TMEM79: variants seen among roughly 807,000 people sequenced by gnomAD.
The protein encoded by TMEM79 is mattrin.
Under a neutral mutation model 31.2 loss-of-function variants are expected in TMEM79, and 30 were observed. The observed-to-expected ratio is 0.96, with a 90% CI of 0.72 to 1.30. The LOEUF is 1.30. TMEM79 is among the 50% of genes most tolerant of loss of function. The probability of loss-of-function intolerance (pLI) is 0.00; values close to 1 mark genes in which losing one functional copy is unlikely to be tolerated. For missense variants in TMEM79, 509 were observed against 528.2 expected (o/e 0.96, Z 0.36); for synonymous variants, 213 against 229.5 (o/e 0.93, Z 0.65).
At position 156,285,642 on chromosome 1, in the gene TMEM79, G is replaced by A. The variant is rs753815586; in HGVS notation, c.416G>A (p.Arg139Gln). The change falls in exon 2 of 4, where the codon CGG (arginine) becomes CAG (glutamine). Residue 139 changes from arginine to glutamine, a missense_variant. Physicochemically the swap from Arg to Gln is conservative, Grantham distance 43. Transcript: ENST00000405535. ...CCTATTGACCTACAGTGCATTGAGC[G>A]GCAGCCCCAAGAAGACCTTATCGTG... The part of the protein sequence containing the change: ...FVPIDLQCIE[R>Q]QPQEDLIVRC... 1.1e-5 allele frequency: 17 copies of A among 1,613,894 alleles called. No individual in the cohort carries two copies. The highest frequency in any genetic ancestry group is 5.0e-5 in the Admixed American group (3 of 60,010).
intron 3 of TMEM79, chr1:156,290,099 T>G (rs1268654979): frequency 6.6e-6 from 1 of 152,158 alleles, no homozygotes; most frequent in Non-Finnish European, 1.5e-5. Context: ...TATAAAAGAA[T>G]GAGAAAACCA....
rs1170475208 is a variant in TMEM79 at position 156,292,006 on chromosome 1, C to G, written c.*408C>G. ...AGGAGGCAGAGCCACAGCCAAGGCC[C>G]TGACCACTTCTGTGCCAGTTGTCTA... On this transcript the variant is annotated 3_prime_UTR_variant, in exon 4 of 4. Transcript: ENST00000405535. 2.4e-6 allele frequency: 1 copy of G among 422,850 alleles called. No individual in the cohort carries two copies. The highest frequency in any genetic ancestry group is 2.0e-5 in the African/African-American group (1 of 51,132). 26.2% of individuals were successfully genotyped at this position (422,850 alleles called of 1,614,324 possible).
chr1:156,288,618 G>A (rs892830164), intron 3 of TMEM79, among the ~76,000 whole-genome samples: 1 of 152,110 alleles, frequency 6.6e-6, no homozygotes, highest in African/African-American at 2.4e-5. Flanking sequence ...GATTACAGGC[G>A]TGAGCCACCA....
Position 156,291,414 on chromosome 1 carries a change from G to A in TMEM79, c.1001G>A (p.Gly334Asp), listed in dbSNP as rs1186031499. The A allele has an allele frequency of 1.9e-6, 3 of 1,613,914 alleles. No homozygotes were observed. The highest frequency in any genetic ancestry group is 2.7e-5 in the African/African-American group (2 of 74,900). ...RLIYWLTFAV[G>D]RSFRGFGYGL... ...ATCTACTGGCTGACCTTTGCCGTGGGCCGCTCCTTCCGAGGCTTCGGCTAC... is the reference window on the plus strand; with the variant it reads ...ATCTACTGGCTGACCTTTGCCGTGGACCGCTCCTTCCGAGGCTTCGGCTAC... Residue 334 changes from glycine to aspartate, a missense_variant, in exon 4 of 4, where the codon GGC (glycine) becomes GAC (aspartate). Physicochemically the swap from Gly to Asp is moderately conservative, Grantham distance 94. Transcript: ENST00000405535.
Position 156,285,585 on chromosome 1 carries a change from T to C in TMEM79, c.359T>C (p.Leu120Pro). ...GAGCTGCCCGAAGACGATGCCAACC[T>C]GCTGCCTGAGAAAGCGGCCCGTGCC... ...LEELPEDDAN[L>P]LPEKAARAFV... is the part of the protein sequence containing the mutation. Residue 120 changes from leucine (L) to proline (P), a missense_variant, in exon 2 of 4, where the codon CTG (leucine) becomes CCG (proline). By Grantham distance (98) the Leu-to-Pro change is moderately conservative. Transcript: ENST00000405535. The C allele has an allele frequency of 6.2e-7, 1 of 1,614,238 alleles. No homozygotes were observed. Among genetic ancestry groups the C allele is most frequent in the Non-Finnish European group, 8.5e-7 (1 of 1,180,050 alleles).
At chr1:156,289,551 G>T (rs1442619099) in intron 3 of TMEM79, among the ~76,000 whole-genome samples, 1 of 152,220 alleles carries the variant, frequency 6.6e-6, no homozygotes, top group Non-Finnish European at 1.5e-5. Context: ...GGCGGAGCTT[G>T]CAGTGAGCCG....
chr1:156,291,747 C>G lies in TMEM79; in HGVS notation c.*149C>G. On this transcript the variant is annotated 3_prime_UTR_variant, in exon 4 of 4. Transcript: ENST00000405535. Reference sequence around the variant, plus strand: ...TGCCCCAACAGGGACTCCAATCAATCGGAGTTCTCCCCTTGCCGGAGCTGC... The same window carrying G: ...TGCCCCAACAGGGACTCCAATCAATGGGAGTTCTCCCCTTGCCGGAGCTGC... 1.5e-6 allele frequency: 1 copy of G among 679,382 alleles called. No individual in the cohort carries two copies. Among genetic ancestry groups the G allele is most frequent in the South Asian group, 1.7e-5 (1 of 58,616 alleles). The allele number at this position is 679,382 out of a possible 1,614,324, so 42.1% of individuals were successfully genotyped here. A position where few individuals can be genotyped will look rare whatever the true frequency, so the allele number is the denominator to read the frequency against.
At chr1:156,286,524 C>A (rs1489498254) in intron 3 of TMEM79, 51 bp downstream of exon 3, 4 of 1,578,186 alleles carry the variant, frequency 2.5e-6, no homozygotes, top group Non-Finnish European at 1.7e-6. Context: ...TGCTAGAGAA[C>A]CTAGGCATCT....
chr1:156,285,083 A>C (rs1663110699), intron 1 of TMEM79, 101 bp from the exon 2 acceptor site: 7 of 1,035,046 alleles, frequency 6.8e-6, no homozygotes, highest in Non-Finnish European at 9.2e-6. Context: ...AGGGGCCAAA[A>C]CCCATGAAGC....
intron 3 of TMEM79, chr1:156,290,471 C>T (rs1408960182): frequency 6.6e-6 from 1 of 150,782 alleles, no homozygotes; most frequent in Admixed American, 6.6e-5. Flanking sequence ...GGGAGGACTG[C>T]CTGAGCTCAG....
Position 156,291,632 on chromosome 1 carries a change from G to A in TMEM79, c.*34G>A, listed in dbSNP as rs374061546. The A allele has an allele frequency of 5.6e-6, 9 of 1,598,442 alleles. No individual in the cohort carries two copies. In the African/African-American group the frequency reaches 1.1e-4, roughly 19 times the overall value. ...GCCCTCGCCCTCGGAGTAGGGGGTA[G>A]CGGCTTGGGTCTGACACATCTTTGA... On this transcript the variant is annotated 3_prime_UTR_variant, in exon 4 of 4. Coordinates refer to ENST00000405535, the MANE Select transcript of TMEM79 (RefSeq NM_032323.3).
chr1:156,289,809 C>A (rs527888985), intron 3 of TMEM79, among the ~76,000 whole-genome samples: 1 of 152,314 alleles, frequency 6.6e-6, no homozygotes, highest in Admixed American at 6.5e-5. Flanking sequence ...GGAAGTTGCT[C>A]TCCCCTCCCT....
chr1:156,284,101 TC>T (rs1422382283), upstream of TMEM79, among the ~76,000 whole-genome samples: 4 of 152,244 alleles, frequency 2.6e-5, no homozygotes, highest in African/African-American at 4.8e-5. Flanking sequence ...CCCTCTGCTT[TC>T]CTGAGCTGGG....
chr1:156,291,555 A>G lies in TMEM79; in HGVS notation c.1142A>G (p.His381Arg). 6.2e-7 allele frequency: 1 copy of G among 1,610,236 alleles called. No individual in the cohort carries two copies. Among genetic ancestry groups the G allele is most frequent in the East Asian group, 2.2e-5 (1 of 44,852 alleles). Residue 381 changes from histidine to arginine, a missense_variant, in exon 4 of 4, where the codon CAC (histidine) becomes CGC (arginine). By Grantham distance (29) the His-to-Arg change is conservative. Coordinates refer to ENST00000405535, the MANE Select transcript of TMEM79 (RefSeq NM_032323.3). ...ATESRLDYPDHARSASDYRPR... is the reference protein window; with the variant it reads ...ATESRLDYPDRARSASDYRPR... ...GAGAGCCGCCTGGACTACCCGGACCACGCCCGCTCGGCCTCCGACTACAGG... is the reference window on the plus strand; with the variant it reads ...GAGAGCCGCCTGGACTACCCGGACCGCGCCCGCTCGGCCTCCGACTACAGG...
rs1663115806 is a variant in TMEM79 at position 156,285,243 on chromosome 1, C to T, written c.17C>T (p.Thr6Ile). ...GGCCCCAGGATGACAGAACAGGAGACCCTGGCCCTACTGGAAGTGAAGAGG... is the reference window on the plus strand; with the variant it reads ...GGCCCCAGGATGACAGAACAGGAGATCCTGGCCCTACTGGAAGTGAAGAGG... MTEQE[T>I]LALLEVKRSD... The change falls in exon 2 of 4, where the codon ACC (threonine) becomes ATC (isoleucine). Residue 6 changes from threonine to isoleucine, a missense_variant. By Grantham distance (89) the Thr-to-Ile change is moderately conservative (BLOSUM62 -1). Coordinates refer to ENST00000405535, the MANE Select transcript of TMEM79 (RefSeq NM_032323.3). 6.5e-7 allele frequency: 1 copy of T among 1,544,280 alleles called. No individual in the cohort carries two copies. Among genetic ancestry groups the T allele is most frequent in the Non-Finnish European group, 8.7e-7 (1 of 1,150,098 alleles).
chr1:156,289,507 G>T (rs1451416585), intron 3 of TMEM79, among the ~76,000 whole-genome samples: 1 of 152,200 alleles, frequency 6.6e-6, no homozygotes, highest in Non-Finnish European at 1.5e-5. Flanking sequence ...AGCTACTCAG[G>T]AGGCTGAGGC....
chr1:156,285,222 C>T lies in TMEM79; in HGVS notation c.-5C>T, dbSNP rs2101586539. 1.3e-6 allele frequency: 2 copies of T among 1,525,480 alleles called. No homozygotes were observed. The highest frequency in any genetic ancestry group is 1.3e-5 in the South Asian group (1 of 75,696). The allele number at this position is 1,525,480 out of a possible 1,614,324, so 94.5% of individuals were successfully genotyped here. ...TGTGGTAGATCCCAGAACTGAGGCC[C>T]CAGGATGACAGAACAGGAGACCCTG... On this transcript the variant is annotated 5_prime_UTR_variant, in exon 2 of 4. Transcript: ENST00000405535.
At position 156,292,002 on chromosome 1, in the gene TMEM79, G is replaced by A. The variant is rs570409562; in HGVS notation, c.*404G>A. ...AGGCAGGAGGCAGAGCCACAGCCAAGGCCCTGACCACTTCTGTGCCAGTTG... is the reference window on the plus strand; with the variant it reads ...AGGCAGGAGGCAGAGCCACAGCCAAAGCCCTGACCACTTCTGTGCCAGTTG... On this transcript the variant is annotated 3_prime_UTR_variant, in exon 4 of 4. Coordinates refer to ENST00000405535, the MANE Select transcript of TMEM79 (RefSeq NM_032323.3). 3.2e-4 allele frequency: 137 copies of A among 433,418 alleles called. No individual in the cohort carries two copies. Among genetic ancestry groups the A allele is most frequent in the African/African-American group, 2.4e-3 (125 of 51,464 alleles). The allele number at this position is 433,418 out of a possible 1,614,324, so 26.8% of individuals were successfully genotyped here.
At chr1:156,289,692 A>G (rs1200905685) in intron 3 of TMEM79, among the ~76,000 whole-genome samples, 2 of 152,236 alleles carry the variant, frequency 1.3e-5, no homozygotes, top group Non-Finnish European at 2.9e-5. Flanking sequence ...GAAGAGAAGC[A>G]GCAGTTACTC....
Sources: allele counts gnomAD v4.1 joint callset (sites outside exome capture counted in the v4.1 genomes callset), GRCh38; gene constraint gnomAD v4.1.1; transcripts MANE v1.5; gene names NCBI Gene and HGNC (gene_info 2026-07-23, HGNC 2026-07-21).